Variants in EXOC4 observed in about 807,000 individuals in gnomAD.
EXOC4 encodes the protein SEC8-like 1.
In EXOC4, 71 loss-of-function variants were observed where a neutral mutation model predicts 107.2. That is an observed-to-expected ratio of 0.66 (90% CI 0.55 to 0.81). EXOC4 has a LOEUF of 0.81. Ranked by LOEUF, EXOC4 falls within the 30% of genes least tolerant of loss-of-function variation. EXOC4 has a pLI of 0.00. For missense variants in EXOC4, 1,108 were observed against 1,189.6 expected (o/e 0.93, Z 1.01); for synonymous variants, 456 against 441.2 (o/e 1.03, Z -0.42).
chr7:133,428,474 C>G (rs1797777286), intron 7 of EXOC4, among the ~76,000 whole-genome samples: 1 of 152,178 alleles, frequency 6.6e-6, no homozygotes, highest in African/African-American at 2.4e-5. Flanking sequence ...GAAGCAATGT[C>G]AGAACAAATG....
chr7:133,812,594 CTTT>C (rs558743887), intron 10 of EXOC4, among the ~76,000 whole-genome samples: 1 of 149,230 alleles, frequency 6.7e-6, no homozygotes, highest in Non-Finnish European at 1.5e-5. Context: ...AATGTAACTA[CTTT>C]TTTTCATTTT....
At chr7:133,451,280 C>G (rs1208500387) in intron 7 of EXOC4, among the ~76,000 whole-genome samples, 1 of 151,002 alleles carries the variant, frequency 6.6e-6, no homozygotes, top group Admixed American at 6.6e-5. Flanking sequence ...TGGGAGAGAT[C>G]GTGTTGGGTA....
intron 10 of EXOC4, among the ~76,000 whole-genome samples, chr7:133,815,003 T>C (rs1025020925): frequency 6.6e-6 from 1 of 152,210 alleles, no homozygotes; most frequent in Non-Finnish European, 1.5e-5. Flanking sequence ...AATACAGCTC[T>C]TCCTTTCCAT....
intron 9 of EXOC4, among the ~76,000 whole-genome samples, chr7:133,620,021 T>G (rs1439277164): frequency 6.6e-6 from 1 of 151,574 alleles, no homozygotes; most frequent in Non-Finnish European, 1.5e-5. Flanking sequence ...TGTTTTTTTT[T>G]GTTGTTGTTA....
At chr7:133,574,856 G>A (rs1384637058) in intron 9 of EXOC4, among the ~76,000 whole-genome samples, 1 of 152,110 alleles carries the variant, frequency 6.6e-6, no homozygotes, top group Non-Finnish European at 1.5e-5. Context: ...ACCTCTTAAC[G>A]GTTAAGAGTG....
intron 5 of EXOC4, among the ~76,000 whole-genome samples, chr7:133,344,299 G>T (rs1238563997): frequency 6.6e-6 from 1 of 152,098 alleles, no homozygotes; most frequent in African/African-American, 2.4e-5. Flanking sequence ...GTTTTCTTGT[G>T]CTTCATGGTT....
the EXOC4 span, among the ~76,000 whole-genome samples, chr7:134,079,630 C>T: frequency 6.6e-6 from 1 of 152,154 alleles, no homozygotes; most frequent in Non-Finnish European, 1.5e-5. Context: ...TTAAGGATGT[C>T]ATTTCTCAGG....
At chr7:133,410,496 T>G (rs1468544889) in intron 7 of EXOC4, among the ~76,000 whole-genome samples, 1 of 152,174 alleles carries the variant, frequency 6.6e-6, no homozygotes, top group Admixed American at 6.5e-5. Flanking sequence ...ACACAATCAT[T>G]TAATTTGACT....
At chr7:133,264,966 C>G (rs940513898) in intron 1 of EXOC4, among the ~76,000 whole-genome samples, 1 of 151,900 alleles carries the variant, frequency 6.6e-6, no homozygotes, top group African/African-American at 2.4e-5. Flanking sequence ...ATTTTAAAGG[C>G]AAAGAGAAAC....
chr7:133,358,417 A>G (rs1391887182), intron 6 of EXOC4, among the ~76,000 whole-genome samples: 2 of 152,164 alleles, frequency 1.3e-5, no homozygotes, highest in Non-Finnish European at 2.9e-5. Context: ...GCTTGTATAA[A>G]ATGCGTGTGT....
chr7:133,925,200 G>A (rs567392406), intron 13 of EXOC4, among the ~76,000 whole-genome samples: 85 of 152,170 alleles, frequency 5.6e-4, no homozygotes, highest in African/African-American at 2.0e-3. Flanking sequence ...TTGAATAAAG[G>A]TTACGTTCCC....
At chr7:134,003,540 C>G (rs1356606706) in intron 15 of EXOC4, among the ~76,000 whole-genome samples, 1 of 152,128 alleles carries the variant, frequency 6.6e-6, no homozygotes. Context: ...TGCAGCCATT[C>G]ATTTGGGAAT....
chr7:133,757,510 G>C (rs993025771), intron 10 of EXOC4, among the ~76,000 whole-genome samples: 1 of 152,236 alleles, frequency 6.6e-6, no homozygotes, highest in East Asian at 1.9e-4. Flanking sequence ...AAACTACTTG[G>C]TGGATTCTTC....
chr7:134,005,344 A>C (rs936271434), intron 16 of EXOC4, among the ~76,000 whole-genome samples: 2 of 152,190 alleles, frequency 1.3e-5, no homozygotes, highest in South Asian at 4.1e-4. Context: ...CATGCCATTC[A>C]TGAGATTTGA....
At position 133,512,582 on chromosome 7, in the gene EXOC4, G is replaced by C. The variant is rs562298231; in HGVS notation, c.1417+32444G>C. Among the ~76,000 whole-genome samples the C allele has an allele frequency of 6.6e-5, 10 of 152,194 alleles. No individual in the cohort carries two copies. The East Asian group carries it at 1.9e-3, about 29-fold the overall frequency. ...AAACATAGGGAAGATAGTTGTGAAG[G>C]CTCCCAGTGAAGAAGAAGATCAATG... On this transcript the variant is annotated intron_variant, in intron 9 of 17. Transcript: ENST00000253861.
chr7:133,638,060 G>A (rs1411512817), intron 10 of EXOC4, among the ~76,000 whole-genome samples: 3 of 151,914 alleles, frequency 2.0e-5, no homozygotes, highest in Non-Finnish European at 4.4e-5. Context: ...GAAAAACAGA[G>A]GAGAAACAGA....
At chr7:133,400,299 C>A (rs1797061328) in intron 7 of EXOC4, among the ~76,000 whole-genome samples, 1 of 152,306 alleles carries the variant, frequency 6.6e-6, no homozygotes, top group South Asian at 2.1e-4. Context: ...GCAATAAGAA[C>A]CTGAATGATG....
chr7:133,702,278 G>A (rs1794676533), intron 10 of EXOC4, among the ~76,000 whole-genome samples: 1 of 103,428 alleles, frequency 9.7e-6, no homozygotes, highest in African/African-American at 3.7e-5. Flanking sequence ...ACCCGCATCA[G>A]CTGCTGAACC....
At chr7:133,363,950 A>C (rs947132865) in intron 6 of EXOC4, among the ~76,000 whole-genome samples, 6 of 152,122 alleles carry the variant, frequency 3.9e-5, no homozygotes, top group Admixed American at 2.6e-4. Context: ...GGGTGGTGTC[A>C]TATATGATTA....
Sources: allele counts gnomAD v4.1 joint callset (sites outside exome capture counted in the v4.1 genomes callset), GRCh38; gene constraint gnomAD v4.1.1; transcripts MANE v1.5; gene names NCBI Gene and HGNC (gene_info 2026-07-23, HGNC 2026-07-21).